Variants in CTNNA1 observed in about 807,000 individuals in gnomAD.
The protein encoded by CTNNA1 is catenin alpha 1, also known as catenin alpha-1.
Under a neutral mutation model 98.4 loss-of-function variants are expected in CTNNA1, and 37 were observed. That is an observed-to-expected ratio of 0.38 (90% CI 0.29 to 0.49). CTNNA1 has a LOEUF of 0.49. Among genes scored for constraint, CTNNA1 ranks in the 20% least tolerant of loss-of-function variants. The probability of loss-of-function intolerance (pLI) is 0.95; values close to 1 mark genes in which losing one functional copy is unlikely to be tolerated. For missense variants in CTNNA1, 761 were observed against 1,147.2 expected, an observed-to-expected ratio of 0.66 and a Z score of 4.86; for synonymous variants, 404 against 413.2, an observed-to-expected ratio of 0.98 and a Z score of 0.27.
At chr5:138,791,507 C>T (rs1235953045) in intron 3 of CTNNA1, among the ~76,000 whole-genome samples, 4 of 141,712 alleles carry the variant, frequency 2.8e-5, no homozygotes, top group Non-Finnish European at 6.0e-5. Flanking sequence ...GTCCCAGCTA[C>T]TTGGGAGGCT....
In CTNNA1 at chr5:138,783,388, T is replaced by A. The variant is rs759096942; in HGVS notation, c.301+16T>A. 29 of 1,596,800 alleles carry A rather than the reference T, an allele frequency of 1.8e-5. No individual in the cohort carries two copies. Among genetic ancestry groups the A allele is most frequent in the Non-Finnish European group, 1.7e-6 (2 of 1,169,502 alleles). ...CGAAAACAAGGTAGGTCATTACTGC[T>A]TTTTAGGTAAAGAGAGGCAGGCCTT... On this transcript the variant is annotated intron_variant, in intron 3 of 17. Transcript: ENST00000302763.
intron 7 of CTNNA1, among the ~76,000 whole-genome samples, chr5:138,835,056 C>T (rs1761645685): frequency 6.6e-6 from 1 of 151,934 alleles, no homozygotes; most frequent in East Asian, 1.9e-4. Context: ...AGTACTTTCT[C>T]AAGGGTGGGG....
chr5:138,897,408 C>A (rs1040114947), intron 9 of CTNNA1, among the ~76,000 whole-genome samples: 4 of 148,396 alleles, frequency 2.7e-5, no homozygotes, highest in African/African-American at 1.0e-4. Flanking sequence ...ATTGGATGAT[C>A]TGCATTATAA....
In CTNNA1 at chr5:138,903,979, C is replaced by T. The variant is rs899019422; in HGVS notation, c.1297-370C>T. On this transcript the variant is annotated intron_variant, in intron 9 of 17. Coordinates refer to ENST00000302763, the MANE Select transcript of CTNNA1 (RefSeq NM_001903.5). ...CAAAACACATTTTTGAGGATAACAA[C>T]AGTTCTTTCCTGATGCCCTTGATTC... is the stretch of plus-strand genomic sequence containing the variant. Among the ~76,000 whole-genome samples the T allele has an allele frequency of 5.9e-5, 9 of 152,176 alleles. No homozygotes were observed. In the South Asian group the frequency reaches 1.9e-3, roughly 32 times the overall value.
chr5:138,850,144 G>A (rs1763063718), intron 7 of CTNNA1, among the ~76,000 whole-genome samples: 1 of 152,144 alleles, frequency 6.6e-6, no homozygotes, highest in Non-Finnish European at 1.5e-5. Context: ...TTTTCCTAAT[G>A]TTTATTTACT....
chr5:138,769,566 C>G (rs1753302685), intron 1 of CTNNA1, among the ~76,000 whole-genome samples: 1 of 151,522 alleles, frequency 6.6e-6, no homozygotes. Context: ...GAGTTTCGCT[C>G]TTGTTGCCCA....
chr5:138,895,667 A>T (rs1347033142), intron 9 of CTNNA1, among the ~76,000 whole-genome samples: 1 of 152,064 alleles, frequency 6.6e-6, no homozygotes, highest in Non-Finnish European at 1.5e-5. Flanking sequence ...ATAGTAGTGA[A>T]TACAACAATA....
In CTNNA1 at chr5:138,769,635, C is replaced by T. The variant is rs368305399; in HGVS notation, c.-2-12288C>T. On this transcript the variant is annotated intron_variant, in intron 1 of 17. Transcript: ENST00000302763. ...GCAGCCTCCGCCTTCTGGGTTCAAG[C>T]GATTCTCCTGCCTCAGCCTCCCGAG... Among the ~76,000 whole-genome samples, 25 of 151,936 alleles carry T rather than the reference C, an allele frequency of 1.6e-4. No individual in the cohort carries two copies. In the East Asian group the frequency reaches 1.9e-3, roughly 12 times the overall value.
chr5:138,805,284 G>A (rs1757972149), intron 3 of CTNNA1, among the ~76,000 whole-genome samples: 1 of 152,220 alleles, frequency 6.6e-6, no homozygotes, highest in Admixed American at 6.5e-5. Context: ...CCACCTAGCA[G>A]TGGAATTACT....
intron 1 of CTNNA1, among the ~76,000 whole-genome samples, chr5:138,773,550 G>A (rs530194288): frequency 6.6e-6 from 1 of 152,288 alleles, no homozygotes; most frequent in East Asian, 1.9e-4. Context: ...GCTATACAGG[G>A]CAGTCTGCTT....
intron 7 of CTNNA1, among the ~76,000 whole-genome samples, chr5:138,842,383 G>A (rs1762348249): frequency 6.6e-6 from 1 of 152,174 alleles, no homozygotes; most frequent in Non-Finnish European, 1.5e-5. Context: ...AGAGCATATT[G>A]TTTATGTTAC....
At chr5:138,791,205 C>G (rs1030432497) in intron 3 of CTNNA1, among the ~76,000 whole-genome samples, 1 of 152,110 alleles carries the variant, frequency 6.6e-6, no homozygotes, top group Admixed American at 6.5e-5. Flanking sequence ...CAGGTCATTC[C>G]ATTTCAGGCA....
chr5:138,871,814 T>G (rs1750664226), intron 7 of CTNNA1: 1 of 152,244 alleles, frequency 6.6e-6, no homozygotes, highest in Non-Finnish European at 1.5e-5. Context: ...GTATCTTTAT[T>G]GAAAGATCGA....
chr5:138,791,408 G>A (rs1440532946), intron 3 of CTNNA1, among the ~76,000 whole-genome samples: 2 of 151,900 alleles, frequency 1.3e-5, no homozygotes, highest in African/African-American at 4.8e-5. Flanking sequence ...CACGAGGTCA[G>A]GAGATGAAGA....
rs1762749090 is a variant in CTNNA1 at position 138,846,616 on chromosome 5, C to T, written c.1062+18898C>T. 3.9e-5 allele frequency among the ~76,000 whole-genome samples: 6 copies of T among 152,302 alleles called. No homozygotes were observed. In the South Asian group the frequency reaches 1.2e-3, roughly 32 times the overall value. On this transcript the variant is annotated intron_variant, in intron 7 of 17. Transcript: ENST00000302763. Reference sequence around the variant, plus strand: ...ATTGCCACCAGAATTACATGGTCTACATTAAATCCTATATTGTGTACACTG... The same window carrying T: ...ATTGCCACCAGAATTACATGGTCTATATTAAATCCTATATTGTGTACACTG...
In CTNNA1 at chr5:138,934,203, G is replaced by A. The variant is rs951417803; in HGVS notation, c.*114G>A. Reference sequence around the variant, plus strand: ...TGATACTAGATTCCACAGGGAAATGGGCAGACTGAACCAGTCCAGGTGGTG... The same window carrying A: ...TGATACTAGATTCCACAGGGAAATGAGCAGACTGAACCAGTCCAGGTGGTG... On this transcript the variant is annotated 3_prime_UTR_variant, in exon 18 of 18. Coordinates refer to ENST00000302763, the MANE Select transcript of CTNNA1 (RefSeq NM_001903.5). 108 of 782,522 alleles carry A rather than the reference G, an allele frequency of 1.4e-4. No individual in the cohort carries two copies. The African/African-American group carries it at 1.6e-3, about 12-fold the overall frequency. 48.5% of individuals were successfully genotyped at this position (782,522 alleles called of 1,614,324 possible).
At chr5:138,883,541 A>T (rs762961054) in intron 7 of CTNNA1, among the ~76,000 whole-genome samples, 14 of 152,228 alleles carry the variant, frequency 9.2e-5, no homozygotes, top group Non-Finnish European at 2.1e-4. Context: ...TAATTCTTTC[A>T]AAAGTCAAAT....
At chr5:138,784,422 A>G (rs1348178201) in intron 3 of CTNNA1, among the ~76,000 whole-genome samples, 1 of 152,200 alleles carries the variant, frequency 6.6e-6, no homozygotes, top group African/African-American at 2.4e-5. Flanking sequence ...GGCAGTACCC[A>G]TAAATGGGCA....
intron 7 of CTNNA1, among the ~76,000 whole-genome samples, chr5:138,857,797 G>A (rs992368752): frequency 6.6e-6 from 1 of 152,198 alleles, no homozygotes; most frequent in East Asian, 1.9e-4. Context: ...CAGAATTTGA[G>A]CCCTTAACCA....
Sources: allele counts gnomAD v4.1 joint callset (sites outside exome capture counted in the v4.1 genomes callset), GRCh38; gene constraint gnomAD v4.1.1; transcripts MANE v1.5; gene names NCBI Gene and HGNC (gene_info 2026-07-23, HGNC 2026-07-21).